The following INPP4B variants were observed in gnomAD, a reference collection of about 807,000 sequenced individuals.
The protein encoded by INPP4B is inositol polyphosphate 4-phosphatase type II.
A neutral mutation model predicts 122.5 loss-of-function variants in INPP4B; 55 were observed. The ratio of observed to expected loss-of-function variants is 0.45; its 90% CI spans 0.36 to 0.56. The LOEUF (loss-of-function observed/expected upper bound fraction) is 0.56. Among genes scored for constraint, INPP4B ranks in the 20% least tolerant of loss-of-function variants. INPP4B has a pLI of 0.00. For missense variants in INPP4B, 1,000 were observed against 1,097.7 expected (o/e 0.91, Z 1.26); for synonymous variants, 403 against 388.7 (o/e 1.04, Z -0.43).
intron 14 of INPP4B, among the ~76,000 whole-genome samples, chr4:142,196,081 A>G (rs924192339): frequency 2.6e-5 from 4 of 152,234 alleles, no homozygotes; most frequent in African/African-American, 4.8e-5. Context: ...TGTTGTTTGA[A>G]TAGTCTCCTC....
intron 7 of INPP4B, among the ~76,000 whole-genome samples, chr4:142,391,610 A>T (rs1797708684): frequency 6.6e-6 from 1 of 151,772 alleles, no homozygotes; most frequent in Non-Finnish European, 1.5e-5. Flanking sequence ...ACAAACAAAC[A>T]AAAAAAACCA....
chr4:142,179,123 T>G (rs1200271215), intron 15 of INPP4B, among the ~76,000 whole-genome samples: 1 of 152,124 alleles, frequency 6.6e-6, no homozygotes, highest in Non-Finnish European at 1.5e-5. Flanking sequence ...CATAATTAAA[T>G]GAGTTATATG....
At chr4:142,782,485 T>A (rs553357711) in intron 1 of INPP4B, among the ~76,000 whole-genome samples, 2 of 152,058 alleles carry the variant, frequency 1.3e-5, no homozygotes, top group African/African-American at 4.8e-5. Context: ...TGTAGTCCTT[T>A]GGGTATATAC....
chr4:142,584,021 A>G (rs1735645223), intron 2 of INPP4B, among the ~76,000 whole-genome samples: 1 of 151,972 alleles, frequency 6.6e-6, no homozygotes, highest in Non-Finnish European at 1.5e-5. Context: ...TTAGAAACCT[A>G]TGGGGGAAAA....
At chr4:142,110,263 T>A (rs1789343695) in intron 22 of INPP4B, among the ~76,000 whole-genome samples, 1 of 152,076 alleles carries the variant, frequency 6.6e-6, no homozygotes, top group African/African-American at 2.4e-5. Context: ...TGGTCAGTTG[T>A]CTGACAGCCA....
chr4:142,314,614 A>AT, intron 8 of INPP4B, 98 bp downstream of exon 8: 1 of 1,143,284 alleles, frequency 8.7e-7, no homozygotes, highest in South Asian at 1.4e-5. Flanking sequence ...ATGTAATTCA[A>AT]TTTTATTTGT....
intron 1 of INPP4B, among the ~76,000 whole-genome samples, chr4:142,843,578 G>C (rs1407914947): frequency 1.3e-5 from 2 of 152,048 alleles, no homozygotes; most frequent in Admixed American, 1.3e-4. Flanking sequence ...ATTTTGTACA[G>C]ATTAGGTATG....
At chr4:142,381,112 T>C in intron 7 of INPP4B, among the ~76,000 whole-genome samples, 1 of 152,170 alleles carries the variant, frequency 6.6e-6, no homozygotes, top group South Asian at 2.1e-4. Flanking sequence ...TCTATGAGGT[T>C]CAAAATTAAG....
At chr4:142,524,271 C>A (rs1826522845) in intron 2 of INPP4B, among the ~76,000 whole-genome samples, 1 of 152,124 alleles carries the variant, frequency 6.6e-6, no homozygotes, top group Admixed American at 6.5e-5. Flanking sequence ...ACAGTCCCAC[C>A]AACAGTGTAA....
chr4:142,423,116 T>C (rs1807291984), intron 5 of INPP4B, among the ~76,000 whole-genome samples: 1 of 152,130 alleles, frequency 6.6e-6, no homozygotes, highest in Non-Finnish European at 1.5e-5. Context: ...GTCAGAGCTC[T>C]ATAATCATTT....
At chr4:142,699,819 C>A (rs145954456) in intron 2 of INPP4B, among the ~76,000 whole-genome samples, 11 of 152,202 alleles carry the variant, frequency 7.2e-5, no homozygotes, top group African/African-American at 1.2e-4. Flanking sequence ...TATCTTGCCT[C>A]TTCTCCATCA....
At chr4:142,800,571 C>T (rs2151088855) in intron 1 of INPP4B, among the ~76,000 whole-genome samples, 1 of 152,142 alleles carries the variant, frequency 6.6e-6, no homozygotes, top group Admixed American at 6.5e-5. Flanking sequence ...ATACAGATTC[C>T]TGAAAGGAAA....
intron 1 of INPP4B, among the ~76,000 whole-genome samples, chr4:142,787,237 T>C (rs954134743): frequency 1.1e-4 from 16 of 152,144 alleles, no homozygotes; most frequent in African/African-American, 3.9e-4. Context: ...TGTCAAAAAC[T>C]TAATTTGCAA....
chr4:142,276,811 T>C (rs767641369), intron 9 of INPP4B, among the ~76,000 whole-genome samples: 30 of 152,012 alleles, frequency 2.0e-4, no homozygotes, highest in Non-Finnish European at 3.1e-4. Flanking sequence ...TGAGGAATTA[T>C]ACAAATACAA....
At chr4:142,283,807 G>C (rs769417160) in intron 9 of INPP4B, among the ~76,000 whole-genome samples, 22 of 152,106 alleles carry the variant, frequency 1.4e-4, no homozygotes, top group Non-Finnish European at 2.6e-4. Context: ...AAAGCTTTAA[G>C]ACTAGATGGA....
intron 1 of INPP4B, among the ~76,000 whole-genome samples, chr4:142,824,392 T>C (rs1398532398): frequency 6.6e-6 from 1 of 151,920 alleles, no homozygotes; most frequent in Non-Finnish European, 1.5e-5. Flanking sequence ...AATAGTCCTC[T>C]AGGCTCTTTT....
At chr4:142,266,401 G>T (rs1320316590) in intron 10 of INPP4B, among the ~76,000 whole-genome samples, 1 of 152,008 alleles carries the variant, frequency 6.6e-6, no homozygotes, top group East Asian at 1.9e-4. Context: ...GAAGAACAAG[G>T]TTTAGGGTAG....
intron 1 of INPP4B, among the ~76,000 whole-genome samples, chr4:142,741,034 C>G (rs1295303851): frequency 1.3e-5 from 2 of 151,982 alleles, no homozygotes; most frequent in East Asian, 3.9e-4. Flanking sequence ...GCAACAAACA[C>G]TAGAATTTGA....
At chr4:142,126,781 CT>C (rs3836671) in intron 18 of INPP4B, among the ~76,000 whole-genome samples, 19,361 of 151,856 alleles carry the variant, frequency 0.13, 1,414 homozygotes, top group East Asian at 0.23. Context: ...GTACACTGAA[CT>C]TTTTTTTCAT....
Sources: allele counts gnomAD v4.1 joint callset (sites outside exome capture counted in the v4.1 genomes callset), GRCh38; gene constraint gnomAD v4.1.1; transcripts MANE v1.5; gene names NCBI Gene and HGNC (gene_info 2026-07-23, HGNC 2026-07-21).